CNTNAP3: variants seen among roughly 807,000 people sequenced by gnomAD.
CNTNAP3 encodes contactin-associated protein-like 3.
CNTNAP3 carries 36 observed loss-of-function variants against 92.1 expected under a neutral mutation model. That is an observed-to-expected ratio of 0.39 (90% CI 0.30 to 0.52). CNTNAP3 has a LOEUF of 0.52. Ranked by LOEUF, CNTNAP3 falls within the 20% of genes least tolerant of loss-of-function variation. The pLI, the probability that CNTNAP3 is intolerant of heterozygous loss-of-function variation, is 0.76. For missense variants in CNTNAP3, 534 were observed against 1,069.6 expected (o/e 0.50, Z 6.98); for synonymous variants, 232 against 422.3 (o/e 0.55, Z 5.53).
chr9:39,117,485 T>C (rs116950804), intron 14 of CNTNAP3, among the ~76,000 whole-genome samples: 5,867 of 152,154 alleles, frequency 0.039, 162 homozygotes, highest in Non-Finnish European at 0.061. Flanking sequence ...CATGAGAAAA[T>C]TGTTTCTGCT....
At chr9:39,140,069 T>C (rs1821536374) in intron 12 of CNTNAP3, 1 of 156,276 alleles carries the variant, frequency 6.4e-6, no homozygotes. Context: ...TTCTAATATC[T>C]AAAGCACGAG....
chr9:39,122,015 T>C (rs1431355416), intron 13 of CNTNAP3, among the ~76,000 whole-genome samples: 3 of 152,108 alleles, frequency 2.0e-5, no homozygotes, highest in Non-Finnish European at 4.4e-5. Context: ...AAGGTCACAG[T>C]CCAGGAAGAC....
At chr9:39,118,394 T>C (rs2721439) in intron 13 of CNTNAP3, 135 bp from the exon 14 acceptor site, 265,463 of 1,213,088 alleles carry the variant, frequency 0.22, 30,262 homozygotes, top group East Asian at 0.28. Flanking sequence ...TATACTTAAA[T>C]ACTTGTATTT....
At chr9:39,127,353 T>C (rs1003492011) in intron 13 of CNTNAP3, among the ~76,000 whole-genome samples, 2 of 151,914 alleles carry the variant, frequency 1.3e-5, no homozygotes, top group Non-Finnish European at 2.9e-5. Flanking sequence ...AAGCCAATAA[T>C]GTAAGTTCTT....
chr9:39,089,364 A>C (rs995000575), intron 18 of CNTNAP3, among the ~76,000 whole-genome samples: 1 of 152,258 alleles, frequency 6.6e-6, no homozygotes, highest in Non-Finnish European at 1.5e-5. Context: ...AGGTTCATCC[A>C]TCTTGTAGCA....
At chr9:39,145,391 C>T (rs373112335) in intron 10 of CNTNAP3, among the ~76,000 whole-genome samples, 1,703 of 141,954 alleles carry the variant, frequency 0.012, 39 homozygotes, top group East Asian at 0.1. Flanking sequence ...CATGCTGGAG[C>T]GGCAGAGGCG....
In CNTNAP3 at chr9:39,135,249, C is replaced by T. The variant is rs548347999; in HGVS notation, c.1877-2114G>A. 8.5e-5 allele frequency among the ~76,000 whole-genome samples: 13 copies of T among 152,174 alleles called. No homozygotes were observed. In the South Asian group the frequency reaches 1.7e-3, roughly 19 times the overall value. On this transcript the variant is annotated intron_variant, in intron 12 of 23. Coordinates refer to ENST00000297668, the MANE Select transcript of CNTNAP3 (RefSeq NM_033655.5). ...TGGAACTGGAAAGGATCTTAAAGAG[C>T]ATCTAATATAACCCTTATATTTTTC... is the stretch of plus-strand genomic sequence containing the variant.
chr9:39,125,890 A>T (rs907363929), intron 13 of CNTNAP3, among the ~76,000 whole-genome samples: 1 of 152,156 alleles, frequency 6.6e-6, no homozygotes, highest in Non-Finnish European at 1.5e-5. Flanking sequence ...ACCACTGGAG[A>T]CTTCAACACC....
intron 21 of CNTNAP3, among the ~76,000 whole-genome samples, chr9:39,081,639 C>T (rs1468585649): frequency 6.6e-6 from 1 of 151,832 alleles, no homozygotes; most frequent in African/African-American, 2.4e-5. Context: ...GTTGTCTTCC[C>T]AGCCCACTGA....
chr9:39,103,685 T>G, intron 16 of CNTNAP3, 59 bp downstream of exon 16: 4 of 1,526,158 alleles, frequency 2.6e-6, no homozygotes, highest in Non-Finnish European at 3.5e-6. Flanking sequence ...TTTGTTGAGT[T>G]AAAGCTTTTA....
At chr9:39,084,347 C>G (rs1160965865) in intron 21 of CNTNAP3, among the ~76,000 whole-genome samples, 10 of 151,922 alleles carry the variant, frequency 6.6e-5, no homozygotes, top group Non-Finnish European at 1.5e-4. Flanking sequence ...CGCCCGCCAC[C>G]ATGCCCGGCT....
At chr9:39,120,017 T>A (rs1426532627) in intron 13 of CNTNAP3, among the ~76,000 whole-genome samples, 5 of 152,090 alleles carry the variant, frequency 3.3e-5, no homozygotes, top group Admixed American at 3.3e-4. Context: ...GAGAAGAAAG[T>A]GTGCTGAAAG....
intron 21 of CNTNAP3, chr9:39,085,105 C>T (rs771930523): frequency 1.4e-5 from 2 of 146,578 alleles, no homozygotes; most frequent in African/African-American, 5.1e-5. Context: ...AAAAAGATTA[C>T]TTTCCTCAGT....
rs1246838830 is a variant in CNTNAP3, at chr9:39,070,757, G to A, written c.*3133C>T. Among the ~76,000 whole-genome samples, 4 of 152,392 alleles carry A rather than the reference G, an allele frequency of 2.6e-5. No individual in the cohort carries two copies. Among genetic ancestry groups the A allele is most frequent in the South Asian group, 4.1e-4 (2 of 4,824 alleles). ...ATGATGTGCTTATTTCACAGTGCAT[G>A]CCTGTATCAAAACATTTCATGTACT... On this transcript the variant is annotated 3_prime_UTR_variant, in exon 24 of 24. Transcript: ENST00000297668.
intron 17 of CNTNAP3, among the ~76,000 whole-genome samples, chr9:39,102,193 T>G (rs1423975722): frequency 1.3e-5 from 2 of 152,244 alleles, no homozygotes; most frequent in Non-Finnish European, 2.9e-5. Context: ...GGCAGGAGAA[T>G]CGCTTGAACC....
chr9:39,148,675 G>A (rs1352936444), intron 10 of CNTNAP3, among the ~76,000 whole-genome samples: 3 of 151,882 alleles, frequency 2.0e-5, no homozygotes, highest in Non-Finnish European at 2.9e-5. Context: ...ACAGGCGCCC[G>A]CCACCATGCC....
At chr9:39,123,999 C>T (rs1482742235) in intron 13 of CNTNAP3, among the ~76,000 whole-genome samples, 1 of 151,896 alleles carries the variant, frequency 6.6e-6, no homozygotes, top group East Asian at 1.9e-4. Context: ...AAGGTAGGAG[C>T]ATTAGAGAAG....
chr9:39,133,084 A>C lies in CNTNAP3; in HGVS notation c.1928T>G (p.Leu643Arg), dbSNP rs1376351786. ...CGGGTGCCCGCTGGGGGCACCTCGG[A>C]GGGTCACCGCGTCGGGGCCACCGTG... ...VQHGGPDAVTLRGAPSGHPRS... is the reference protein window; with the variant it reads ...VQHGGPDAVTRRGAPSGHPRS... Residue 643 changes from leucine (L) to arginine (R), a missense_variant, in exon 13 of 24, where the codon CTC becomes CGC. By Grantham distance (102) the Leu-to-Arg change is moderately radical. Transcript: ENST00000297668. 1 of 1,568,266 alleles carries C rather than the reference A, an allele frequency of 6.4e-7. No individual in the cohort carries two copies. The highest frequency in any genetic ancestry group is 1.2e-5 in the South Asian group (1 of 86,200).
chr9:39,088,977 T>C (rs1826130279), intron 18 of CNTNAP3, among the ~76,000 whole-genome samples: 1 of 152,280 alleles, frequency 6.6e-6, no homozygotes, highest in South Asian at 2.1e-4. Context: ...ATCTCATCTT[T>C]GGTTTCCAAT....
Sources: gnomAD v4.1 joint callset for allele counts (sites outside exome capture counted in the v4.1 genomes callset) on GRCh38, gnomAD v4.1.1 for gene constraint, MANE v1.5 for transcripts, NCBI Gene and HGNC (gene_info 2026-07-23, HGNC 2026-07-21) for gene names.